Variants in GDAP1 observed in about 807,000 individuals in gnomAD.
GDAP1 encodes the protein ganglioside induced differentiation associated protein 1.
Under a neutral mutation model 40.1 loss-of-function variants are expected in GDAP1, and 34 were observed. That is an observed-to-expected ratio of 0.85 (90% CI 0.64 to 1.13). The LOEUF (loss-of-function observed/expected upper bound fraction) is 1.13, where lower values mean the gene tolerates loss of function less well. GDAP1 is among the 50% of genes most tolerant of loss of function. GDAP1 has a pLI of 0.00. For missense variants in GDAP1, 374 were observed against 433.7 expected (o/e 0.86, Z 1.22); for synonymous variants, 170 against 157.4 (o/e 1.08, Z -0.60).
intron 2 of GDAP1, among the ~76,000 whole-genome samples, chr8:74,417,391 T>A (rs1364061515): frequency 6.7e-6 from 1 of 149,920 alleles, no homozygotes; most frequent in East Asian, 1.9e-4. Context: ...TAGTGTAATA[T>A]GGCAAGAAAA....
intron 2 of GDAP1, among the ~76,000 whole-genome samples, chr8:74,375,405 T>G (rs193259721): frequency 6.6e-6 from 1 of 152,294 alleles, no homozygotes; most frequent in Non-Finnish European, 1.5e-5. Flanking sequence ...ATGAAATTCA[T>G]TAATATATTT....
rs752831336 is a variant in GDAP1, at chr8:74,350,456, C to A, written c.-6C>A. On this transcript the variant is annotated 5_prime_UTR_variant, in exon 1 of 6. Coordinates refer to ENST00000220822, the MANE Select transcript of GDAP1 (RefSeq NM_018972.4). ...GCTGGGCGCACCCGTGCTCGCGCAC[C>A]CCAAGATGGCTGAGAGGCAGGAAGA... 3.8e-6 allele frequency: 6 copies of A among 1,589,328 alleles called. No individual in the cohort carries two copies. Among genetic ancestry groups the A allele is most frequent in the Non-Finnish European group, 4.3e-6 (5 of 1,158,930 alleles).
At chr8:74,459,573 G>C (rs992432012) in intron 2 of GDAP1, among the ~76,000 whole-genome samples, 1 of 152,140 alleles carries the variant, frequency 6.6e-6, no homozygotes, top group Non-Finnish European at 1.5e-5. Context: ...GGGTGAATCA[G>C]GGTTTGTGGA....
intron 2 of GDAP1, among the ~76,000 whole-genome samples, chr8:74,473,174 C>A (rs1433215270): frequency 6.7e-6 from 1 of 149,930 alleles, no homozygotes; most frequent in African/African-American, 2.5e-5. Context: ...TGTGTAAGTT[C>A]TTGATAGATG....
chr8:74,447,067 C>A (rs1806238385), intron 2 of GDAP1, among the ~76,000 whole-genome samples: 1 of 152,070 alleles, frequency 6.6e-6, no homozygotes, highest in Non-Finnish European at 1.5e-5. Context: ...GGCCTTCTTT[C>A]ACCTTCCTAA....
intron 2 of GDAP1, among the ~76,000 whole-genome samples, chr8:74,456,703 C>T (rs566242234): frequency 1.6e-4 from 24 of 151,962 alleles, no homozygotes; most frequent in African/African-American, 5.5e-4. Flanking sequence ...CATGTTGACA[C>T]TGAAAAACAA....
intron 2 of GDAP1, among the ~76,000 whole-genome samples, chr8:74,469,590 C>T (rs1014245764): frequency 6.6e-6 from 1 of 151,568 alleles, no homozygotes; most frequent in Admixed American, 6.6e-5. Flanking sequence ...ATGGCGTGAA[C>T]CCCGGGGAGC....
At chr8:74,463,737 A>ATAAGG in intron 2 of GDAP1, among the ~76,000 whole-genome samples, 1 of 152,224 alleles carries the variant, frequency 6.6e-6, no homozygotes, top group Admixed American at 6.5e-5. Flanking sequence ...ATATGTAGAA[A>ATAAGG]TTGGAATATC....
intron 2 of GDAP1, among the ~76,000 whole-genome samples, chr8:74,405,682 G>A (rs1223590653): frequency 6.7e-6 from 1 of 150,090 alleles, no homozygotes; most frequent in Non-Finnish European, 1.5e-5. Context: ...AATATTTTGA[G>A]TGAATAGATA....
At chr8:74,402,015 T>C (rs10110715) in intron 2 of GDAP1, among the ~76,000 whole-genome samples, 56,423 of 149,862 alleles carry the variant, frequency 0.38, 11,861 homozygotes, top group Middle Eastern at 0.47. Flanking sequence ...AGGGACCCAC[T>C]TGAGGAGGCA....
rs377497809 is a variant in GDAP1 at position 74,356,716 on chromosome 8, A to ATTTTT, written c.311-3408_311-3404dup. Among the ~76,000 whole-genome samples, 478 of 104,314 alleles carry ATTTTT rather than the reference A, an allele frequency of 4.6e-3. 21 individuals carry two copies. The highest frequency in any genetic ancestry group is 0.014 in the Middle Eastern group (2 of 144). 68.4% of individuals were successfully genotyped at this position (104,314 alleles called of 152,430 possible). On this transcript the variant is annotated intron_variant, in intron 2 of 5. Transcript: ENST00000220822. The stretch of plus-strand genomic sequence containing the variant: ...TTTGTGTGTGTGTATATATATATAT[A>ATTTTT]TTTTTTTTTTTTTTTTTGAGACGGA...
intron 2 of GDAP1, among the ~76,000 whole-genome samples, chr8:74,456,953 A>G (rs1806343090): frequency 6.6e-6 from 1 of 152,096 alleles, no homozygotes; most frequent in Admixed American, 6.5e-5. Flanking sequence ...GGTTTCCTTT[A>G]GCCAACTCCA....
chr8:74,398,176 A>G (rs7825334), intron 2 of GDAP1, among the ~76,000 whole-genome samples: 78,516 of 151,822 alleles, frequency 0.52, 20,668 homozygotes, highest in African/African-American at 0.64. Flanking sequence ...TTGGTGTATA[A>G]GAATGCTTGT....
intron 2 of GDAP1, among the ~76,000 whole-genome samples, chr8:74,474,803 C>T (rs578103556): frequency 6.6e-6 from 1 of 152,198 alleles, no homozygotes; most frequent in African/African-American, 2.4e-5. Context: ...TGATGATGGC[C>T]TTATAGAATG....
intron 2 of GDAP1, among the ~76,000 whole-genome samples, chr8:74,359,143 C>T (rs551050608): frequency 6.6e-6 from 1 of 152,256 alleles, no homozygotes; most frequent in Admixed American, 6.5e-5. Context: ...TCAAAGAGAA[C>T]ATTACATTAG....
intron 2 of GDAP1, among the ~76,000 whole-genome samples, chr8:74,475,414 G>A (rs764130304): frequency 6.6e-6 from 1 of 151,810 alleles, no homozygotes; most frequent in Non-Finnish European, 1.5e-5. Flanking sequence ...TTTGATATAG[G>A]CATTTAGTGC....
In GDAP1 at chr8:74,364,218, CG is replaced by C; in HGVS notation, c.931del (p.Val311TrpfsTer37). The C allele has an allele frequency of 6.2e-7, 1 of 1,614,110 alleles. No homozygotes were observed. Among genetic ancestry groups the C allele is most frequent in the East Asian group, 2.2e-5 (1 of 44,892 alleles). Reference sequence around the variant, plus strand: ...CTCTGCAGTGCTGCCAACAGCATTCCGGGTGGCCAAGAAAAGGGCCCCAAAA... The same window carrying C: ...CTCTGCAGTGCTGCCAACAGCATTCCGGTGGCCAAGAAAAGGGCCCCAAAA... ...LISAVLPTAF[R>X]VAKKRAPKVL... is the part of the protein sequence containing the mutation. On this transcript the variant is annotated frameshift_variant, in exon 6 of 6. Coordinates refer to ENST00000220822, the MANE Select transcript of GDAP1 (RefSeq NM_018972.4). LOFTEE classifies it high-confidence loss of function.
At chr8:74,479,986 CTTTTTTTTTT>C (rs71271807) in intron 2 of GDAP1, among the ~76,000 whole-genome samples, 1 of 102,930 alleles carries the variant, frequency 9.7e-6, no homozygotes, top group African/African-American at 4.2e-5. Flanking sequence ...AATGGACTCT[CTTTTTTTTTT>C]TTTTTTTTTT....
chr8:74,394,199 C>T (rs1810156763), intron 2 of GDAP1, among the ~76,000 whole-genome samples: 1 of 152,128 alleles, frequency 6.6e-6, no homozygotes, highest in Non-Finnish European at 1.5e-5. Flanking sequence ...AGGGAAACTC[C>T]CCTTTTTAAA....
Sources: allele counts gnomAD v4.1 joint callset (sites outside exome capture counted in the v4.1 genomes callset), GRCh38; gene constraint gnomAD v4.1.1; transcripts MANE v1.5; gene names NCBI Gene and HGNC (gene_info 2026-07-23, HGNC 2026-07-21).